The following ANKRD29 variants were observed in gnomAD, a reference collection of about 807,000 sequenced individuals.
The protein encoded by ANKRD29 is ankyrin repeat domain-containing protein 29.
ANKRD29 carries 32 observed loss-of-function variants against 38.0 expected under a neutral mutation model. That is an observed-to-expected ratio of 0.84 (90% CI 0.64 to 1.13). The LOEUF is 1.13. ANKRD29 is among the 50% of genes most tolerant of loss of function. The probability of loss-of-function intolerance (pLI) is 0.00; values close to 1 mark genes in which losing one functional copy is unlikely to be tolerated. For synonymous variants in ANKRD29, 135 were observed against 152.4 expected (o/e 0.89, Z 0.84); for missense variants, 357 against 377.9 (o/e 0.94, Z 0.46).
intron 9 of ANKRD29, among the ~76,000 whole-genome samples, chr18:23,605,014 G>A (rs1051453214): frequency 3.3e-5 from 5 of 151,624 alleles, no homozygotes; most frequent in African/African-American, 7.3e-5. Flanking sequence ...TCTGTCTCCC[G>A]GGTTCAAGTG....
chr18:23,609,521 G>A (rs921548779), intron 9 of ANKRD29, among the ~76,000 whole-genome samples: 5 of 152,308 alleles, frequency 3.3e-5, no homozygotes, highest in African/African-American at 1.2e-4. Flanking sequence ...CCCCTGTCCT[G>A]ATACATCGGT....
At position 23,631,059 on chromosome 18, in the gene ANKRD29, C is replaced by T. The variant is rs1483213458; in HGVS notation, c.430-1108G>A. On this transcript the variant is annotated intron_variant, in intron 5 of 9. Transcript: ENST00000592179. Reference sequence around the variant, plus strand: ...TTTCCTACCCTTTTCTCTTTCTTGTCCCCTTATCCTTGTTCCCCCAACATG... The same window carrying T: ...TTTCCTACCCTTTTCTCTTTCTTGTTCCCTTATCCTTGTTCCCCCAACATG... 4.6e-5 allele frequency among the ~76,000 whole-genome samples: 7 copies of T among 151,642 alleles called. No homozygotes were observed. In the East Asian group the frequency reaches 1.4e-3, roughly 29 times the overall value.
At chr18:23,605,778 C>T (rs1408701760) in intron 9 of ANKRD29, among the ~76,000 whole-genome samples, 5 of 151,876 alleles carry the variant, frequency 3.3e-5, no homozygotes, top group South Asian at 2.1e-4. Flanking sequence ...CCACCTGCCT[C>T]GGCCTCCCAA....
intron 6 of ANKRD29, among the ~76,000 whole-genome samples, chr18:23,622,394 T>C (rs1032820857): frequency 6.6e-6 from 1 of 152,122 alleles, no homozygotes; most frequent in Admixed American, 6.5e-5. Flanking sequence ...TCTGGGTCTG[T>C]TTTGTTCTTT....
At chr18:23,615,509 A>T (rs904325021) in intron 8 of ANKRD29, among the ~76,000 whole-genome samples, 4 of 152,122 alleles carry the variant, frequency 2.6e-5, no homozygotes, top group Non-Finnish European at 5.9e-5. Flanking sequence ...CCCAGGCTCA[A>T]GCCATCCTCC....
At chr18:23,638,394 G>A (rs1363010325) in intron 4 of ANKRD29, among the ~76,000 whole-genome samples, 1 of 152,120 alleles carries the variant, frequency 6.6e-6, no homozygotes, top group Non-Finnish European at 1.5e-5. Flanking sequence ...GCTCATGAAA[G>A]TAAGCTGTCT....
intron 3 of ANKRD29, among the ~76,000 whole-genome samples, chr18:23,644,070 G>C (rs1021905139): frequency 6.6e-6 from 1 of 152,342 alleles, no homozygotes; most frequent in African/African-American, 2.4e-5. Flanking sequence ...GAGCCACGCA[G>C]GTTACCTTTA....
chr18:23,613,493 A>G (rs775004696), intron 8 of ANKRD29, among the ~76,000 whole-genome samples: 34 of 151,942 alleles, frequency 2.2e-4, no homozygotes, highest in Non-Finnish European at 3.5e-4. Flanking sequence ...AAAAGCCAAA[A>G]AAGAGCTATT....
intron 2 of ANKRD29, 42 bp downstream of exon 2, chr18:23,649,041 G>A (rs971851435): frequency 6.5e-7 from 1 of 1,532,974 alleles, no homozygotes; most frequent in Non-Finnish European, 9.0e-7. Flanking sequence ...CCCACAGAGG[G>A]CAATGGTGCA....
intron 6 of ANKRD29, among the ~76,000 whole-genome samples, chr18:23,622,810 A>C (rs1034502364): frequency 6.6e-6 from 1 of 152,126 alleles, no homozygotes; most frequent in African/African-American, 2.4e-5. Context: ...CAAGTGATCC[A>C]CCCGCCTTGG....
rs2059506732 is a variant in ANKRD29, at chr18:23,601,149, C to G, written c.*77G>C. The G allele has an allele frequency of 7.3e-7, 1 of 1,363,026 alleles. No homozygotes were observed. 84.4% of individuals were successfully genotyped at this position (1,363,026 alleles called of 1,614,324 possible). A position where few individuals can be genotyped will look rare whatever the true frequency, so the allele number is the denominator to read the frequency against. Reference sequence around the variant, plus strand: ...TCTTTTTTTTTCATAAAAGAATTTCCAACACTGCTTGAAATGCAATTTCTT... The same window carrying G: ...TCTTTTTTTTTCATAAAAGAATTTCGAACACTGCTTGAAATGCAATTTCTT... On this transcript the variant is annotated 3_prime_UTR_variant, in exon 10 of 10. Transcript: ENST00000592179.
chr18:23,601,690 G>T (rs928730749), intron 9 of ANKRD29, among the ~76,000 whole-genome samples: 21 of 152,060 alleles, frequency 1.4e-4, no homozygotes, highest in African/African-American at 5.1e-4. Flanking sequence ...TATTTTTTGA[G>T]ACAGGGTCTT....
chr18:23,630,982 A>AC (rs1555655284), intron 5 of ANKRD29, among the ~76,000 whole-genome samples: 1 of 150,070 alleles, frequency 6.7e-6, no homozygotes, highest in Non-Finnish European at 1.5e-5. Context: ...AAAAAAAAAA[A>AC]GAAAAAAAAG....
At chr18:23,607,730 G>A (rs1466115783) in intron 9 of ANKRD29, among the ~76,000 whole-genome samples, 3 of 152,198 alleles carry the variant, frequency 2.0e-5, no homozygotes, top group Non-Finnish European at 4.4e-5. Flanking sequence ...GTGATGGCGA[G>A]TGCCCCAGGC....
chr18:23,649,420 G>A (rs2060182913), intron 1 of ANKRD29: 2 of 699,786 alleles, frequency 2.9e-6, no homozygotes, highest in Non-Finnish European at 5.2e-6. Context: ...TGATAATCCA[G>A]CACTATTAAT....
intron 4 of ANKRD29, among the ~76,000 whole-genome samples, chr18:23,637,994 C>CATT (rs2060023823): frequency 1.0e-5 from 1 of 98,080 alleles, no homozygotes; most frequent in African/African-American, 4.1e-5. Flanking sequence ...TCAATTACTT[C>CATT]TTTTTTTTTT....
At chr18:23,629,544 T>C (rs892833175) in intron 6 of ANKRD29, among the ~76,000 whole-genome samples, 1 of 152,254 alleles carries the variant, frequency 6.6e-6, no homozygotes, top group Admixed American at 6.5e-5. Context: ...ATTAGATCAG[T>C]GCAGCCATAA....
At chr18:23,625,871 G>C (rs1432896278) in intron 6 of ANKRD29, among the ~76,000 whole-genome samples, 1 of 152,114 alleles carries the variant, frequency 6.6e-6, no homozygotes, top group Non-Finnish European at 1.5e-5. Flanking sequence ...CAGTCTTCCT[G>C]GGGCTTATGC....
intron 3 of ANKRD29, among the ~76,000 whole-genome samples, chr18:23,640,399 G>A (rs144328998): frequency 3.3e-5 from 5 of 152,318 alleles, no homozygotes; most frequent in Non-Finnish European, 7.3e-5. Flanking sequence ...ATTTGGTATA[G>A]TGTTTGGTAA....
Sources: gnomAD v4.1 joint callset for allele counts (sites outside exome capture counted in the v4.1 genomes callset) on GRCh38, gnomAD v4.1.1 for gene constraint, MANE v1.5 for transcripts, NCBI Gene and HGNC (gene_info 2026-07-23, HGNC 2026-07-21) for gene names.